The following MTMR10 variants were observed in gnomAD, a reference collection of about 807,000 sequenced individuals.
MTMR10 encodes the protein myotubularin related protein 10, also known as myotubularin-related protein 10.
MTMR10 carries 56 observed loss-of-function variants against 88.1 expected under a neutral mutation model. That is an observed-to-expected ratio of 0.64 (90% CI 0.51 to 0.79). The LOEUF (loss-of-function observed/expected upper bound fraction) is 0.79. Among genes scored for constraint, MTMR10 ranks in the 30% least tolerant of loss-of-function variants. The probability of loss-of-function intolerance (pLI) is 0.00; values close to 1 mark genes in which losing one functional copy is unlikely to be tolerated. For synonymous variants in MTMR10, 380 were observed against 340.9 expected (o/e 1.11, Z -1.26); for missense variants, 883 against 924.7 (o/e 0.95, Z 0.58).
intron 6 of MTMR10, among the ~76,000 whole-genome samples, chr15:30,962,985 A>G (rs1297043089): frequency 1.3e-5 from 2 of 152,228 alleles, no homozygotes; most frequent in African/African-American, 4.8e-5. Context: ...ATATCAAGTA[A>G]CTAAATACAG....
At chr15:30,956,989 A>G (rs2063336588) in intron 9 of MTMR10, among the ~76,000 whole-genome samples, 1 of 152,184 alleles carries the variant, frequency 6.6e-6, no homozygotes, top group Non-Finnish European at 1.5e-5. Flanking sequence ...CTTCCTTTCC[A>G]GAAAACTGAA....
intron 2 of MTMR10, among the ~76,000 whole-genome samples, chr15:30,977,740 G>A (rs933996832): frequency 1.3e-5 from 2 of 152,140 alleles, no homozygotes; most frequent in East Asian, 3.8e-4. Flanking sequence ...CCTTTAGCCC[G>A]ATAGAATGTT....
the MTMR10 span, chr15:30,922,123 A>G: frequency 7.4e-7 from 1 of 1,356,314 alleles, no homozygotes; most frequent in Non-Finnish European, 1.0e-6. Context: ...TCATTGTAGA[A>G]TGGAAAGATA....
At chr15:30,928,586 T>C in the MTMR10 span, 1 of 1,612,810 alleles carries the variant, frequency 6.2e-7, no homozygotes, top group South Asian at 1.1e-5. Flanking sequence ...TTCAGCACCC[T>C]GTATGGCCTC....
intron 13 of MTMR10, among the ~76,000 whole-genome samples, chr15:30,947,885 C>T (rs935653130): frequency 5.3e-5 from 8 of 152,188 alleles, no homozygotes; most frequent in Non-Finnish European, 1.0e-4. Flanking sequence ...CTTCCGCAGC[C>T]TAACTAGAGA....
chr15:30,929,565 CTTTA>C, the MTMR10 span, among the ~76,000 whole-genome samples: 3 of 115,214 alleles, frequency 2.6e-5, no homozygotes, highest in Admixed American at 1.9e-4. Context: ...TATATTATAT[CTTTA>C]TTATATTTAT....
At chr15:30,955,020 A>AT in intron 9 of MTMR10, 127 bp from the exon 10 acceptor site, 1 of 771,458 alleles carries the variant, frequency 1.3e-6, no homozygotes, top group South Asian at 3.8e-5. Context: ...CATGGAGTTT[A>AT]CTTTTTTTTT....
intron 5 of MTMR10, 41 bp downstream of exon 5, chr15:30,974,273 C>T: frequency 7.0e-7 from 1 of 1,420,390 alleles, no homozygotes; most frequent in Non-Finnish European, 9.3e-7. Context: ...TCAGTAAACA[C>T]AGTACAGAAC....
chr15:30,919,400 A>T, the MTMR10 span, among the ~76,000 whole-genome samples: 1 of 125,712 alleles, frequency 8.0e-6, no homozygotes, highest in Admixed American at 8.5e-5. Flanking sequence ...AAAAAAAAAA[A>T]TCATAAGGGG....
At chr15:30,989,814 T>C (rs1056009675) in intron 2 of MTMR10, among the ~76,000 whole-genome samples, 10 of 152,088 alleles carry the variant, frequency 6.6e-5, no homozygotes, top group Admixed American at 6.5e-4. Context: ...CTCGGTCTCT[T>C]GACCACGTGA....
At chr15:30,919,225 A>G in the MTMR10 span, among the ~76,000 whole-genome samples, 2 of 151,766 alleles carry the variant, frequency 1.3e-5, no homozygotes, top group Non-Finnish European at 2.9e-5. Flanking sequence ...TACTAAAAAT[A>G]CAAAATTAGC....
intron 7 of MTMR10, 79 bp downstream of exon 7, chr15:30,960,802 T>C: frequency 7.3e-7 from 1 of 1,368,836 alleles, no homozygotes; most frequent in African/African-American, 1.5e-5. Flanking sequence ...TTGAAAGTCA[T>C]CAATGACAAC....
chr15:30,937,065 T>C, downstream of MTMR10: 1 of 1,478,660 alleles, frequency 6.8e-7, no homozygotes, highest in Non-Finnish European at 9.3e-7. Context: ...CTTACTTGAA[T>C]GGCTTTTCAT....
At chr15:30,938,097 T>C (rs1028645567), downstream of MTMR10, among the ~76,000 whole-genome samples, 3 of 151,646 alleles carry the variant, frequency 2.0e-5, no homozygotes, top group African/African-American at 7.3e-5. Context: ...GGCAGGAGGA[T>C]GGCGTGAACC....
the MTMR10 span, chr15:30,929,137 C>T: frequency 7.0e-7 from 1 of 1,420,296 alleles, no homozygotes; most frequent in South Asian, 1.2e-5. Flanking sequence ...TATGTACTGA[C>T]TAGTCCTCTG....
At chr15:30,920,621 G>C in the MTMR10 span, 1 of 1,611,694 alleles carries the variant, frequency 6.2e-7, no homozygotes, top group Non-Finnish European at 8.5e-7. Flanking sequence ...GTCTCGGTTT[G>C]TGGAAATACT....
chr15:30,975,374 C>A (rs1757402229), intron 3 of MTMR10, among the ~76,000 whole-genome samples: 1 of 152,106 alleles, frequency 6.6e-6, no homozygotes, highest in Admixed American at 6.6e-5. Flanking sequence ...AAATAACTAT[C>A]TTTTTAAAGC....
chr15:30,977,500 TAAAAG>T (rs1211800893), intron 2 of MTMR10, among the ~76,000 whole-genome samples: 5 of 152,190 alleles, frequency 3.3e-5, no homozygotes, highest in South Asian at 2.1e-4. Flanking sequence ...TAGTTTGAGT[TAAAAG>T]AAAAGATTAA....
chr15:30,922,516 A>C, the MTMR10 span, among the ~76,000 whole-genome samples: 4 of 152,204 alleles, frequency 2.6e-5, no homozygotes, highest in African/African-American at 9.7e-5. Context: ...AAAGAATACC[A>C]GGGATGCCAG....
Sources: gnomAD v4.1 joint callset for allele counts (sites outside exome capture counted in the v4.1 genomes callset) on GRCh38, gnomAD v4.1.1 for gene constraint, MANE v1.5 for transcripts, NCBI Gene and HGNC (gene_info 2026-07-23, HGNC 2026-07-21) for gene names.